The following MAF variants were observed in gnomAD, a reference collection of about 807,000 sequenced individuals.
The protein encoded by MAF is transcription factor Maf.
Under a neutral mutation model 22.0 loss-of-function variants are expected in MAF, and 10 were observed. That is an observed-to-expected ratio of 0.45 (90% confidence interval 0.28 to 0.77). The LOEUF (loss-of-function observed/expected upper bound fraction) is 0.77. MAF is among the 30% of genes least tolerant of loss of function. MAF has a pLI of 0.12. For missense variants in MAF, 544 were observed against 548.4 expected (o/e 0.99, Z 0.08); for synonymous variants, 337 against 255.8 (o/e 1.32, Z -3.03).
chr16:79,220,802 C>T, the MAF span, among the ~76,000 whole-genome samples: 1 of 152,208 alleles, frequency 6.6e-6, no homozygotes, highest in Non-Finnish European at 1.5e-5. Context: ...ATCTCTGCTG[C>T]TGGTTTTCTT....
At chr16:79,207,134 C>T in the MAF span, among the ~76,000 whole-genome samples, 2 of 152,112 alleles carry the variant, frequency 1.3e-5, no homozygotes, top group Non-Finnish European at 2.9e-5. Flanking sequence ...CCACCTGTGA[C>T]ATGAGGGCTC....
At chr16:79,281,614 T>C in the MAF span, among the ~76,000 whole-genome samples, 1 of 144,882 alleles carries the variant, frequency 6.9e-6, no homozygotes, top group South Asian at 2.4e-4. Flanking sequence ...AGTGGCGCCA[T>C]CTCGGCTCAC....
At chr16:79,468,991 A>C in the MAF span, among the ~76,000 whole-genome samples, 2 of 152,280 alleles carry the variant, frequency 1.3e-5, 1 homozygote, top group South Asian at 4.1e-4. Context: ...TTTGACAAGC[A>C]GATGTTTTGT....
the MAF span, among the ~76,000 whole-genome samples, chr16:79,534,160 G>A: frequency 6.6e-6 from 1 of 152,216 alleles, no homozygotes; most frequent in Non-Finnish European, 1.5e-5. Flanking sequence ...AACATCCAAG[G>A]AGACTTCTTC....
intron 1 of MAF, chr16:79,596,025 A>C (rs1311627015): frequency 9.4e-7 from 1 of 1,060,844 alleles, no homozygotes. Context: ...GAGAAGAAGG[A>C]AAAATAGTCA....
At chr16:79,231,349 G>A in the MAF span, among the ~76,000 whole-genome samples, 483 of 152,156 alleles carry the variant, frequency 3.2e-3, 7 homozygotes, top group Non-Finnish European at 5.0e-3. Context: ...CTCTTGCTGC[G>A]TTTTAATTTT....
chr16:79,337,034 GT>G, the MAF span, among the ~76,000 whole-genome samples: 2 of 152,168 alleles, frequency 1.3e-5, no homozygotes, highest in Non-Finnish European at 2.9e-5. Context: ...TCATCAGACT[GT>G]TTAGAAATAG....
At chr16:79,462,071 C>T in the MAF span, among the ~76,000 whole-genome samples, 2,024 of 152,280 alleles carry the variant, frequency 0.013, 22 homozygotes, top group Non-Finnish European at 0.022. Flanking sequence ...TCTGTTTTCC[C>T]CGCCTCCCCT....
At chr16:79,366,040 G>A in the MAF span, among the ~76,000 whole-genome samples, 2 of 151,992 alleles carry the variant, frequency 1.3e-5, no homozygotes, top group African/African-American at 4.8e-5. Context: ...TTTTTGTCTT[G>A]GTTTCTCTAT....
At chr16:79,380,847 C>A in the MAF span, among the ~76,000 whole-genome samples, 10 of 152,232 alleles carry the variant, frequency 6.6e-5, no homozygotes, top group Non-Finnish European at 1.3e-4. Flanking sequence ...CTTTCATTGT[C>A]TGTGGGGTGA....
chr16:79,595,133 A>G, intron 1 of MAF: 1 of 1,041,044 alleles, frequency 9.6e-7, no homozygotes, highest in East Asian at 5.7e-5. Flanking sequence ...GGAAAAAAAA[A>G]AAAAAAGGAA....
the MAF span, among the ~76,000 whole-genome samples, chr16:79,380,120 A>C: frequency 6.6e-6 from 1 of 152,178 alleles, no homozygotes; most frequent in African/African-American, 2.4e-5. Flanking sequence ...CCAACTAGAC[A>C]CTTTATTTTC....
chr16:79,518,514 G>A, the MAF span, among the ~76,000 whole-genome samples: 2 of 152,200 alleles, frequency 1.3e-5, no homozygotes, highest in East Asian at 3.8e-4. Context: ...CACAGGCTCT[G>A]CAGTCAGCTG....
At chr16:79,502,730 T>TAA in the MAF span, among the ~76,000 whole-genome samples, 12 of 86,812 alleles carry the variant, frequency 1.4e-4, no homozygotes, top group Admixed American at 5.1e-4. Flanking sequence ...TATATATATA[T>TAA]ATATATATAT....
chr16:79,250,640 G>A, the MAF span, among the ~76,000 whole-genome samples: 1 of 152,190 alleles, frequency 6.6e-6, no homozygotes, highest in Non-Finnish European at 1.5e-5. Context: ...CAATGGTGAT[G>A]AGCACCAGGT....
chr16:79,578,547 A>C, the MAF span, among the ~76,000 whole-genome samples: 1 of 152,176 alleles, frequency 6.6e-6, no homozygotes, highest in Admixed American at 6.5e-5. Flanking sequence ...GATAATATTT[A>C]AATTTGAAAA....
chr16:79,583,947 T>C (rs962758100), downstream of MAF, among the ~76,000 whole-genome samples: 7 of 152,232 alleles, frequency 4.6e-5, no homozygotes, highest in African/African-American at 1.7e-4. Context: ...TGCATGTTGG[T>C]TGATGTGCGT....
At chr16:79,288,418 G>A in the MAF span, among the ~76,000 whole-genome samples, 1 of 152,158 alleles carries the variant, frequency 6.6e-6, no homozygotes, top group Admixed American at 6.5e-5. Flanking sequence ...AAGCTGCTAC[G>A]TGGGGAGGCC....
chr16:79,487,277 G>C, the MAF span, among the ~76,000 whole-genome samples: 1 of 151,744 alleles, frequency 6.6e-6, no homozygotes, highest in African/African-American at 2.4e-5. Flanking sequence ...ACTAATCTAT[G>C]ATGATAATAG....
Sources: allele counts gnomAD v4.1 joint callset (sites outside exome capture counted in the v4.1 genomes callset), GRCh38; gene constraint gnomAD v4.1.1; transcripts MANE v1.5; gene names NCBI Gene and HGNC (gene_info 2026-07-23, HGNC 2026-07-21).